The following SPDYE2 variants were observed in gnomAD, a reference collection of about 807,000 sequenced individuals.
The protein encoded by SPDYE2 is speedy/RINGO cell cycle regulator family member E2.
For synonymous variants in SPDYE2, 2 were observed against 45.1 expected, an observed-to-expected ratio of 0.04 and a Z score of 3.83; for missense variants, 1 against 121.0, an observed-to-expected ratio of 0.01 and a Z score of 4.65.
chr7:102,562,606 TTGA>T lies in SPDYE2; in HGVS notation c.*600_*602del, dbSNP rs1458527502. The T allele has an allele frequency of 1.1e-4, 3 of 26,632 alleles. No individual in the cohort carries two copies. The East Asian group carries it at 1.7e-3, about 15-fold the overall frequency. 1.6% of individuals were successfully genotyped at this position (26,632 alleles called of 1,614,324 possible). A position where few individuals can be genotyped will look rare whatever the true frequency, so the allele number is the denominator to read the frequency against. ...GAAAACATGCTGTTCCTGTAGTTTT[TTGA>T]TGAGAGTTATAGTTGTTATATATAC... On this transcript the variant is annotated 3_prime_UTR_variant, in exon 9 of 9. Coordinates refer to ENST00000507918, the Ensembl canonical transcript of SPDYE2.
rs202152993 is a variant in SPDYE2, at chr7:102,553,731, AG to A, written c.160+317del. On this transcript the variant is annotated intron_variant, in intron 2 of 8. Transcript: ENST00000507918. Reference sequence around the variant, plus strand: ...GAGCACGCTACTGCACTCCAAAAAAAGAAAAAAAAGAAAAGAAGGGTCAGTG... The same window carrying A: ...GAGCACGCTACTGCACTCCAAAAAAAAAAAAAAAGAAAAGAAGGGTCAGTG... Among the ~76,000 whole-genome samples the A allele has an allele frequency of 1.7e-3, 57 of 33,776 alleles. 1 individual carries two copies. The highest frequency in any genetic ancestry group is 2.6e-3 in the African/African-American group (54 of 20,492). The allele number at this position is 33,776 out of a possible 152,430, so 22.2% of individuals were successfully genotyped here.
rs1469728019 is a variant in SPDYE2 at position 102,554,798 on chromosome 7, C to T, written c.379+221C>T. Among the ~76,000 whole-genome samples the T allele has an allele frequency of 5.0e-5, 6 of 119,956 alleles. 1 individual carries two copies. The highest frequency in any genetic ancestry group is 2.5e-4 in the South Asian group (1 of 4,050). 78.7% of individuals were successfully genotyped at this position (119,956 alleles called of 152,430 possible). A position where few individuals can be genotyped will look rare whatever the true frequency, so the allele number is the denominator to read the frequency against. On this transcript the variant is annotated intron_variant, in intron 3 of 8. Transcript: ENST00000507918. The stretch of plus-strand genomic sequence containing the variant: ...CGCTTGGGATGAGAAAGCTTGGTTT[C>T]GGGCCAGGTGCAGTGGCTCATGCCT...
intron 2 of SPDYE2, among the ~76,000 whole-genome samples, chr7:102,553,736 A>AG (rs1404774016): frequency 5.4e-5 from 2 of 36,782 alleles, no homozygotes; most frequent in Admixed American, 3.6e-4. Flanking sequence ...AAAAAAGAAA[A>AG]AAAAGAAAAG....
At chr7:102,563,128 T>G (rs1209328802) in exon 9 of SPDYE2, 1 of 147,416 alleles carries the variant, frequency 6.8e-6, no homozygotes, top group African/African-American at 2.5e-5. Flanking sequence ...ATGGATATTA[T>G]AACTGTTATA....
At chr7:102,554,742 A>G (rs879459624) in intron 3 of SPDYE2, among the ~76,000 whole-genome samples, 165 bp downstream of exon 3, 1,571 of 133,420 alleles carry the variant, frequency 0.012, 34 homozygotes, top group Middle Eastern at 0.062. Flanking sequence ...AGGAGACGAT[A>G]GAAGACTAGG....
chr7:102,553,736 A>AAG (rs1554589048), intron 2 of SPDYE2, among the ~76,000 whole-genome samples: 1 of 36,782 alleles, frequency 2.7e-5, no homozygotes, highest in African/African-American at 4.5e-5. Flanking sequence ...AAAAAAGAAA[A>AAG]AAAAGAAAAG....
At chr7:102,554,827 A>G (rs545042022) in intron 3 of SPDYE2, among the ~76,000 whole-genome samples, 34 of 109,388 alleles carry the variant, frequency 3.1e-4, no homozygotes, top group Non-Finnish European at 5.3e-4. Context: ...CATGCCTGAG[A>G]TGCTAGCACG....
chr7:102,556,692 CCAAT>C (rs1248443983), intron 4 of SPDYE2, among the ~76,000 whole-genome samples: 2 of 7,038 alleles, frequency 2.8e-4, no homozygotes, highest in Non-Finnish European at 1.7e-3. Flanking sequence ...AAATAAAAAT[CCAAT>C]AAAGAAAAAC....
chr7:102,563,760 G>A (rs1458882425), downstream of SPDYE2: 99 of 32,784 alleles, frequency 3.0e-3, no homozygotes, highest in African/African-American at 8.9e-3. Context: ...GCCAGCCTCA[G>A]CAACATAGCA....
At chr7:102,554,964 C>A (rs761725762) in intron 3 of SPDYE2, among the ~76,000 whole-genome samples, 1 of 131,476 alleles carries the variant, frequency 7.6e-6, no homozygotes, top group Non-Finnish European at 1.7e-5. Flanking sequence ...AAACGAAGGC[C>A]AGGTGTGGTA....
exon 9 of SPDYE2, chr7:102,563,103 C>G (rs2133402145): frequency 6.7e-6 from 1 of 148,168 alleles, no homozygotes; most frequent in East Asian, 2.0e-4. Context: ...GATGCTGTTT[C>G]TATAAAGCTG....
chr7:102,557,470 C>T (rs1800839046), intron 5 of SPDYE2, among the ~76,000 whole-genome samples: 1 of 124,388 alleles, frequency 8.0e-6, no homozygotes, highest in East Asian at 2.6e-4. Flanking sequence ...TCAAGCGATT[C>T]TCCTGCCTCA....
chr7:102,554,291 G>C, intron 2 of SPDYE2, 68 bp from the exon 3 acceptor site: 2 of 1,389,864 alleles, frequency 1.4e-6, no homozygotes, highest in East Asian at 5.4e-5. Context: ...GTGGTTTGGG[G>C]TTTGGGGTCG....
chr7:102,555,232 C>A (rs1192009638), intron 3 of SPDYE2, among the ~76,000 whole-genome samples: 8 of 52,234 alleles, frequency 1.5e-4, no homozygotes, highest in African/African-American at 4.8e-4. Flanking sequence ...GACGCTGTCT[C>A]AAAAAAAAAA....
At chr7:102,557,259 C>A (rs1432598278) in intron 5 of SPDYE2, 37 bp downstream of exon 5, 1 of 479,660 alleles carries the variant, frequency 2.1e-6, no homozygotes, top group Non-Finnish European at 3.5e-6. Context: ...CCTGTTCCAA[C>A]GCATGGCTGG....
intron 3 of SPDYE2, among the ~76,000 whole-genome samples, 164 bp downstream of exon 3, chr7:102,554,741 T>C (rs931590851): frequency 2.2e-5 from 3 of 133,572 alleles, no homozygotes; most frequent in Non-Finnish European, 5.1e-5. Flanking sequence ...TAGGAGACGA[T>C]AGAAGACTAG....
chr7:102,557,353 GT>G (rs1563696172), intron 5 of SPDYE2, 131 bp downstream of exon 5: 1 of 349,952 alleles, frequency 2.9e-6, no homozygotes, highest in Admixed American at 6.4e-5. Context: ...TTTTTTTTTT[GT>G]GTGTGTGTGT....
At chr7:102,564,274 A>C (rs1296492584), downstream of SPDYE2, 1 of 87,044 alleles carries the variant, frequency 1.1e-5, no homozygotes, top group Admixed American at 1.3e-4. Flanking sequence ...CAGGAGTTTG[A>C]GACCAGCCTG....
At chr7:102,555,232 C>CAAAAAAAAAAAA (rs1219322377) in intron 3 of SPDYE2, among the ~76,000 whole-genome samples, 2 of 52,216 alleles carry the variant, frequency 3.8e-5, no homozygotes, top group African/African-American at 6.0e-5. Context: ...GACGCTGTCT[C>CAAAAAAAAAAAA]AAAAAAAAAA....
Sources: gnomAD v4.1 joint callset for allele counts (sites outside exome capture counted in the v4.1 genomes callset) on GRCh38, gnomAD v4.1.1 for gene constraint, MANE v1.5 for transcripts, NCBI Gene and HGNC (gene_info 2026-07-23, HGNC 2026-07-21) for gene names.